Variants in RALB observed in about 807,000 individuals in gnomAD.
The protein encoded by RALB is ras-related protein Ral-B.
A neutral mutation model predicts 21.3 loss-of-function variants in RALB; 16 were observed. The ratio of observed to expected loss-of-function variants is 0.75; its 90% CI spans 0.51 to 1.14. RALB has a LOEUF of 1.14. Among genes scored for constraint, RALB ranks in the 50% most tolerant of loss-of-function variants. The pLI is 0.00. For synonymous variants in RALB, 93 were observed against 96.1 expected (o/e 0.97, Z 0.19); for missense variants, 161 against 256.2 (o/e 0.63, Z 2.54).
At chr2:120,260,043 G>C in intron 1 of RALB, among the ~76,000 whole-genome samples, 1 of 152,204 alleles carries the variant, frequency 6.6e-6, no homozygotes. Context: ...TGGCTGCTCC[G>C]AGTGCGGGGC....
intron 2 of RALB, among the ~76,000 whole-genome samples, chr2:120,284,777 T>C (rs1690085083): frequency 6.6e-6 from 1 of 152,214 alleles, no homozygotes; most frequent in Non-Finnish European, 1.5e-5. Context: ...TTAGTAGTCA[T>C]TCCCCGTTAT....
At chr2:120,270,884 A>C (rs1256272824) in intron 1 of RALB, among the ~76,000 whole-genome samples, 1 of 152,120 alleles carries the variant, frequency 6.6e-6, no homozygotes, top group Non-Finnish European at 1.5e-5. Context: ...CCAGACTCAA[A>C]TATTATGATT....
At chr2:120,244,282 T>TCCAGGC (rs1456979763) in intron 1 of RALB, among the ~76,000 whole-genome samples, 9 of 152,284 alleles carry the variant, frequency 5.9e-5, no homozygotes, top group Non-Finnish European at 1.2e-4. Flanking sequence ...TCATTGGACA[T>TCCAGGC]CCAGGCCCAG....
rs1190895695 is a variant in RALB at position 120,293,110 on chromosome 2, A to C, written c.502-31A>C. On this transcript the variant is annotated intron_variant, in intron 4 of 4. Transcript: ENST00000272519. ...ATCATTAAATGGCTCTTTCTTCACT[A>C]TTCTTTTTACTCTTTACTCCTCACC... The C allele has an allele frequency of 3.2e-6, 5 of 1,559,714 alleles. No individual in the cohort carries two copies. In the African/African-American group the frequency reaches 4.2e-5, roughly 13 times the overall value.
intron 1 of RALB, among the ~76,000 whole-genome samples, chr2:120,272,494 G>A (rs1013199678): frequency 6.6e-6 from 1 of 152,208 alleles, no homozygotes; most frequent in African/African-American, 2.4e-5. Flanking sequence ...AGCAAATGGA[G>A]CAAAATGTTG....
rs1456749161 is a variant in RALB, at chr2:120,285,987, A to G, written c.228A>G (p.Ala76=). The G allele has an allele frequency of 3.1e-6, 5 of 1,614,176 alleles. No individual in the cohort carries two copies. Among genetic ancestry groups the G allele is most frequent in the Non-Finnish European group, 1.7e-6 (2 of 1,180,016 alleles). The part of the protein sequence containing the change: ...ILDTAGQEDY[A]AIRDNYFRSG... The stretch of plus-strand genomic sequence containing the variant: ...ACACCGCTGGGCAAGAGGACTACGC[A>G]GCCATTCGAGATAACTACTTTCGGA... Residue 76 remains alanine, a synonymous_variant, in exon 3 of 5, where the codon GCA becomes GCG. Transcript: ENST00000272519.
At chr2:120,261,334 T>C (rs1234685067) in intron 1 of RALB, among the ~76,000 whole-genome samples, 1 of 152,088 alleles carries the variant, frequency 6.6e-6, no homozygotes, top group Non-Finnish European at 1.5e-5. Flanking sequence ...GCTTGGCCTT[T>C]GCTAAGAGCA....
Position 120,289,652 on chromosome 2 carries a change from A to G in RALB, c.396A>G (p.Leu132=), listed in dbSNP as rs766716872. Residue 132 remains leucine, a synonymous_variant, in exon 4 of 5, where the codon CTA becomes CTG. Transcript: ENST00000272519. ...TCGTCGTGGGAAACAAGTCTGACCT[A>G]GAGGAGCGGAGGCAGGTGCCTGTGG... ...PLLVVGNKSD[L]EERRQVPVEE... 2 of 1,614,208 alleles carry G rather than the reference A, an allele frequency of 1.2e-6. No homozygotes were observed. The highest frequency in any genetic ancestry group is 1.7e-6 in the Non-Finnish European group (2 of 1,180,008).
chr2:120,249,704 G>T (rs1689024111), upstream of RALB, among the ~76,000 whole-genome samples: 1 of 152,194 alleles, frequency 6.6e-6, no homozygotes, highest in African/African-American at 2.4e-5. Flanking sequence ...CAACAGTGGG[G>T]ATTACATTTC....
At chr2:120,251,541 A>G (rs1418579213), upstream of RALB, among the ~76,000 whole-genome samples, 1 of 152,244 alleles carries the variant, frequency 6.6e-6, no homozygotes, top group Non-Finnish European at 1.5e-5. Flanking sequence ...GTCACAAGGT[A>G]GAGCCCTCCT....
At chr2:120,284,792 TCCCCGTCCCAC>T (rs972417343) in intron 2 of RALB, among the ~76,000 whole-genome samples, 15 of 152,150 alleles carry the variant, frequency 9.9e-5, no homozygotes, top group Admixed American at 6.5e-4. Context: ...CGTTATTGCT[TCCCCGTCCCAC>T]CCCTGGCCTC....
chr2:120,274,907 G>A (rs1001319914), intron 1 of RALB, among the ~76,000 whole-genome samples: 6 of 152,072 alleles, frequency 3.9e-5, no homozygotes, highest in Non-Finnish European at 5.9e-5. Flanking sequence ...CATGAATTGC[G>A]ATTTGCTTGT....
At chr2:120,265,536 CTTT>C (rs1689480858) in intron 1 of RALB, among the ~76,000 whole-genome samples, 1 of 152,208 alleles carries the variant, frequency 6.6e-6, no homozygotes, top group African/African-American at 2.4e-5. Flanking sequence ...TTTTCTCCCT[CTTT>C]AGTGAGCTTT....
At chr2:120,278,237 C>T (rs1397666211) in intron 1 of RALB, among the ~76,000 whole-genome samples, 1 of 152,174 alleles carries the variant, frequency 6.6e-6, no homozygotes, top group Non-Finnish European at 1.5e-5. Context: ...AGGTCCCAAG[C>T]TGTTCTCCGC....
intron 1 of RALB, among the ~76,000 whole-genome samples, chr2:120,272,697 T>A (rs1261453325): frequency 6.6e-6 from 1 of 152,168 alleles, no homozygotes. Flanking sequence ...ACTGATTTTT[T>A]TTTCCTTCCT....
intron 2 of RALB, 99 bp from the exon 3 acceptor site, chr2:120,285,775 T>C (rs1316700631): frequency 5.5e-6 from 5 of 910,838 alleles, no homozygotes; most frequent in Non-Finnish European, 8.8e-6. Flanking sequence ...TGTAGTGTCC[T>C]GTTCATAGTG....
intron 3 of RALB, 120 bp downstream of exon 3, chr2:120,286,202 G>A: frequency 1.3e-6 from 1 of 743,530 alleles, no homozygotes; most frequent in Non-Finnish European, 2.2e-6. Context: ...TTGTTCTCAG[G>A]AATAATTCTG....
intron 3 of RALB, 29 bp downstream of exon 3, chr2:120,286,111 C>A: frequency 1.2e-6 from 2 of 1,604,864 alleles, no homozygotes; most frequent in Non-Finnish European, 1.7e-6. Context: ...AGCAGAAGCC[C>A]CCAGGAAGCT....
chr2:120,241,139 A>G (rs1688888619), intron 1 of RALB, among the ~76,000 whole-genome samples: 1 of 152,292 alleles, frequency 6.6e-6, no homozygotes, highest in African/African-American at 2.4e-5. Flanking sequence ...ATCATGCACC[A>G]TGTGTCTGGG....
Sources: allele counts gnomAD v4.1 joint callset (sites outside exome capture counted in the v4.1 genomes callset), GRCh38; gene constraint gnomAD v4.1.1; transcripts MANE v1.5; gene names NCBI Gene and HGNC (gene_info 2026-07-23, HGNC 2026-07-21).